Variants in SF3B3 observed in about 807,000 individuals in gnomAD.
SF3B3 encodes the protein SAP 130.
Under a neutral mutation model 139.2 loss-of-function variants are expected in SF3B3, and 33 were observed. The ratio of observed to expected loss-of-function variants is 0.24; its 90% CI spans 0.18 to 0.32. SF3B3 has a LOEUF of 0.32. Among genes scored for constraint, SF3B3 ranks in the 10% least tolerant of loss-of-function variants. The pLI is 1.00. For synonymous variants in SF3B3, 596 were observed against 563.6 expected (o/e 1.06, Z -0.81); for missense variants, 818 against 1,509.4 (o/e 0.54, Z 7.59).
rs1269969190 is a variant in SF3B3, at chr16:70,571,085, C to T, written c.3409-10C>T. 6.8e-6 allele frequency: 11 copies of T among 1,607,282 alleles called. No individual in the cohort carries two copies. The highest frequency in any genetic ancestry group is 9.4e-6 in the Non-Finnish European group (11 of 1,174,186). On this transcript the variant is annotated splice_polypyrimidine_tract_variant and intron_variant, in intron 24 of 25. Coordinates refer to ENST00000302516, the MANE Select transcript of SF3B3 (RefSeq NM_012426.5). ...CTTCTCAGTGACAGATTTTTTGTTT[C>T]TTCTGCCAGGACCATGACTTCTTCC...
At position 70,560,487 on chromosome 16, in the gene SF3B3, A is replaced by T; in HGVS notation, c.2029A>T (p.Thr677Ser). The T allele has an allele frequency of 6.2e-7, 1 of 1,613,588 alleles. No individual in the cohort carries two copies. ...IGLQNGVLLRTVLDPVTGDLS... is the reference protein window; with the variant it reads ...IGLQNGVLLRSVLDPVTGDLS... ...TGATTAGAACGGTGTGCTGCTGAGGACTGTCTTGGACCCTGTCACTGGGGA... is the reference window on the plus strand; with the variant it reads ...TGATTAGAACGGTGTGCTGCTGAGGTCTGTCTTGGACCCTGTCACTGGGGA... Residue 677 changes from threonine to serine, a missense_variant, in exon 16 of 26, where the codon ACT becomes TCT. Thr to Ser is a moderately conservative substitution (Grantham distance 58). Transcript: ENST00000302516.
At chr16:70,559,499 C>A (rs2050408603) in intron 15 of SF3B3, among the ~76,000 whole-genome samples, 1 of 151,982 alleles carries the variant, frequency 6.6e-6, no homozygotes. Flanking sequence ...CTAGCCTGGG[C>A]AACATGGCGA....
At chr16:70,565,737 G>A (rs1203510597) in intron 20 of SF3B3, 1 of 534,826 alleles carries the variant, frequency 1.9e-6, no homozygotes, top group Non-Finnish European at 3.3e-6. Flanking sequence ...TCCATAATGG[G>A]GAGATAGATG....
chr16:70,552,959 G>A (rs1279512649), intron 11 of SF3B3, among the ~76,000 whole-genome samples: 3 of 152,176 alleles, frequency 2.0e-5, no homozygotes, highest in Non-Finnish European at 4.4e-5. Flanking sequence ...CACCCAGATT[G>A]GAGTGCAGTG....
chr16:70,572,930 A>G lies in SF3B3; in HGVS notation c.*1117A>G, dbSNP rs1433568312. ...CTGTCCTTGCGCCTTGAACCTGGAG[A>G]AGTGAGCTCACTGTTCTCAATACTT... is the stretch of plus-strand genomic sequence containing the variant. On this transcript the variant is annotated 3_prime_UTR_variant, in exon 26 of 26. Coordinates refer to ENST00000302516, the MANE Select transcript of SF3B3 (RefSeq NM_012426.5). 6.6e-6 allele frequency: 1 copy of G among 152,152 alleles called. No homozygotes were observed. Among genetic ancestry groups the G allele is most frequent in the South Asian group, 2.1e-4 (1 of 4,830 alleles). 9.4% of individuals were successfully genotyped at this position (152,152 alleles called of 1,614,324 possible). A position where few individuals can be genotyped will look rare whatever the true frequency, so the allele number is the denominator to read the frequency against.
rs1188286178 is a variant in SF3B3 at position 70,530,739 on chromosome 16, C to T, written c.398-6C>T. 6.2e-7 allele frequency: 1 copy of T among 1,609,120 alleles called. No individual in the cohort carries two copies. Among genetic ancestry groups the T allele is most frequent in the Admixed American group, 1.7e-5 (1 of 59,004 alleles). On this transcript the variant is annotated splice_region_variant and splice_polypyrimidine_tract_variant and intron_variant, in intron 3 of 25. Coordinates refer to ENST00000302516, the MANE Select transcript of SF3B3 (RefSeq NM_012426.5). The stretch of plus-strand genomic sequence containing the variant: ...ATCTTGTATGTTTTATCTCCTTCAA[C>T]TACAGGTGCCATTGAGAAACAGAAA...
At chr16:70,547,012 A>C (rs992081173) in intron 10 of SF3B3, among the ~76,000 whole-genome samples, 5 of 151,052 alleles carry the variant, frequency 3.3e-5, no homozygotes, top group African/African-American at 9.8e-5. Flanking sequence ...TGGGCGACAG[A>C]GCGAGACTCC....
chr16:70,531,990 A>G (rs997179983), intron 4 of SF3B3, among the ~76,000 whole-genome samples: 7 of 152,222 alleles, frequency 4.6e-5, no homozygotes, highest in Admixed American at 4.6e-4. Flanking sequence ...TCTAGGCTGC[A>G]GTGAGATAAG....
chr16:70,560,927 A>C (rs1379378886), intron 16 of SF3B3, among the ~76,000 whole-genome samples: 1 of 152,166 alleles, frequency 6.6e-6, no homozygotes, highest in Non-Finnish European at 1.5e-5. Flanking sequence ...TTTACTACCT[A>C]ATGTGAAAGA....
chr16:70,541,547 C>A (rs963550638), intron 8 of SF3B3, 122 bp from the exon 9 acceptor site: 2 of 792,342 alleles, frequency 2.5e-6, no homozygotes, highest in African/African-American at 1.7e-5. Context: ...GTGATAACAC[C>A]TAAAAATAAT....
chr16:70,527,928 A>G (rs1054792614), intron 2 of SF3B3, among the ~76,000 whole-genome samples: 4 of 151,750 alleles, frequency 2.6e-5, no homozygotes, highest in Non-Finnish European at 5.9e-5. Context: ...TGCGTGCACC[A>G]CCATGCCCGG....
intron 17 of SF3B3, among the ~76,000 whole-genome samples, chr16:70,563,329 T>G (rs2050446993): frequency 6.6e-6 from 1 of 152,186 alleles, no homozygotes; most frequent in African/African-American, 2.4e-5. Flanking sequence ...AGAGATCGGG[T>G]AACTATACTT....
intron 2 of SF3B3, among the ~76,000 whole-genome samples, chr16:70,527,751 T>G (rs1050941447): frequency 2.0e-5 from 3 of 152,050 alleles, no homozygotes; most frequent in Non-Finnish European, 2.9e-5. Flanking sequence ...TTTGTTTTGT[T>G]TTTGTTTTTT....
rs565512859 is a variant in SF3B3 at position 70,548,292 on chromosome 16, T to C, written c.1330-78T>C. ...CGTTGTGAACCCTGCCTTTGAGACC[T>C]TATTTTTTGATGTGATTGTAAGCAG... On this transcript the variant is annotated intron_variant, in intron 10 of 25. Coordinates refer to ENST00000302516, the MANE Select transcript of SF3B3 (RefSeq NM_012426.5). 71 of 1,196,978 alleles carry C rather than the reference T, an allele frequency of 5.9e-5. 1 individual carries two copies. In the Admixed American group the frequency reaches 1.2e-3, roughly 20 times the overall value. The allele number at this position is 1,196,978 out of a possible 1,614,324, so 74.1% of individuals were successfully genotyped here.
chr16:70,535,619 G>A (rs2050158942), intron 6 of SF3B3, among the ~76,000 whole-genome samples, 199 bp downstream of exon 6: 1 of 152,058 alleles, frequency 6.6e-6, no homozygotes, highest in Admixed American at 6.6e-5. Flanking sequence ...TCTTAGAAAG[G>A]GAATTAAAAC....
intron 14 of SF3B3, 116 bp from the exon 15 acceptor site, chr16:70,556,770 G>A (rs1403970476): frequency 1.5e-5 from 17 of 1,150,622 alleles, no homozygotes; most frequent in Non-Finnish European, 2.0e-5. Context: ...CACTCCCCGG[G>A]TTTTTTCTGT....
intron 18 of SF3B3, 125 bp from the exon 19 acceptor site, chr16:70,564,940 G>A: frequency 1.3e-6 from 1 of 783,692 alleles, no homozygotes; most frequent in African/African-American, 1.7e-5. Flanking sequence ...AATCCTGGCT[G>A]GGATGGCTGA....
Position 70,560,455 on chromosome 16 carries a change from C to T in SF3B3, c.2011-14C>T, listed in dbSNP as rs2050418682. 1 of 1,612,446 alleles carries T rather than the reference C, an allele frequency of 6.2e-7. No individual in the cohort carries two copies. The highest frequency in any genetic ancestry group is 8.5e-7 in the Non-Finnish European group (1 of 1,178,976). ...CTTCCATCAGGCTTCACCTGCTCCT[C>T]TCCTTTTGATTAGAACGGTGTGCTG... On this transcript the variant is annotated splice_polypyrimidine_tract_variant and intron_variant, in intron 15 of 25. Coordinates refer to ENST00000302516, the MANE Select transcript of SF3B3 (RefSeq NM_012426.5).
In SF3B3 at chr16:70,570,107, G is replaced by C. The variant is rs1366638903; in HGVS notation, c.3366G>C (p.Leu1122Phe). ...CAGAATCACTTGTCTATACCACCTT[G>C]TCTGGAGGAATTGGCATCCTTGTGC... The part of the protein sequence containing the change: ...GGSESLVYTT[L>F]SGGIGILVPF... Residue 1122 changes from leucine to phenylalanine, a missense_variant, in exon 24 of 26, where the codon TTG (leucine) becomes TTC (phenylalanine). By Grantham distance (22) the Leu-to-Phe change is conservative. Coordinates refer to ENST00000302516, the MANE Select transcript of SF3B3 (RefSeq NM_012426.5). The C allele has an allele frequency of 6.2e-7, 1 of 1,614,112 alleles. No individual in the cohort carries two copies. Among genetic ancestry groups the C allele is most frequent in the South Asian group, 1.1e-5 (1 of 91,068 alleles).
Sources: gnomAD v4.1 joint callset for allele counts (sites outside exome capture counted in the v4.1 genomes callset) on GRCh38, gnomAD v4.1.1 for gene constraint, MANE v1.5 for transcripts, NCBI Gene and HGNC (gene_info 2026-07-23, HGNC 2026-07-21) for gene names.